MTHFD1L: variants seen among roughly 807,000 people sequenced by gnomAD.
MTHFD1L encodes the protein monofunctional C1-tetrahydrofolate synthase, mitochondrial.
MTHFD1L carries 81 observed loss-of-function variants against 119.5 expected under a neutral mutation model. That is an observed-to-expected ratio of 0.68 (90% confidence interval 0.57 to 0.82). The LOEUF (loss-of-function observed/expected upper bound fraction) is 0.82. Ranked by LOEUF, MTHFD1L falls within the 40% of genes least tolerant of loss-of-function variation. The probability of loss-of-function intolerance (pLI) is 0.00; values close to 1 mark genes in which losing one functional copy is unlikely to be tolerated. For missense variants in MTHFD1L, 1,125 were observed against 1,253.4 expected, an observed-to-expected ratio of 0.90 and a Z score of 1.55; for synonymous variants, 430 against 475.2, an observed-to-expected ratio of 0.90 and a Z score of 1.24.
chr6:151,086,157 G>A (rs1220047979), intron 26 of MTHFD1L, among the ~76,000 whole-genome samples: 1 of 152,132 alleles, frequency 6.6e-6, no homozygotes, highest in Admixed American at 6.5e-5. Context: ...TAGTTACAGC[G>A]GTGCAGGTTC....
intron 24 of MTHFD1L, among the ~76,000 whole-genome samples, chr6:151,030,166 C>T (rs959306607): frequency 2.0e-5 from 3 of 152,202 alleles, no homozygotes; most frequent in East Asian, 1.9e-4. Context: ...TTCACATCCT[C>T]ATCTTAGAAA....
At chr6:151,073,533 A>G (rs1318002753) in intron 26 of MTHFD1L, among the ~76,000 whole-genome samples, 2 of 152,356 alleles carry the variant, frequency 1.3e-5, no homozygotes, top group African/African-American at 4.8e-5. Context: ...CAGATGATAG[A>G]ATTCATAGAC....
chr6:151,079,017 C>T lies in MTHFD1L; in HGVS notation c.2848-13450C>T, dbSNP rs985291917. On this transcript the variant is annotated intron_variant, in intron 26 of 27. Coordinates refer to ENST00000367321, the MANE Select transcript of MTHFD1L (RefSeq NM_015440.5). The stretch of plus-strand genomic sequence containing the variant: ...ATGAAAGACTGAGCCTATACGTGAA[C>T]GTACTGAAAGCTGACTTACAGTTCA... 2.6e-5 allele frequency among the ~76,000 whole-genome samples: 4 copies of T among 152,070 alleles called. 1 individual carries two copies. Among genetic ancestry groups the T allele is most frequent in the Non-Finnish European group, 1.5e-5 (1 of 68,032 alleles).
At chr6:150,959,227 C>T in intron 17 of MTHFD1L, 2 of 980,978 alleles carry the variant, frequency 2.0e-6, no homozygotes, top group Non-Finnish European at 2.4e-6. Flanking sequence ...CTCCTTATTT[C>T]CTTCCTTTCC....
At chr6:150,943,211 G>T (rs1793425803) in intron 13 of MTHFD1L, among the ~76,000 whole-genome samples, 2 of 151,972 alleles carry the variant, frequency 1.3e-5, no homozygotes, top group South Asian at 4.1e-4. Flanking sequence ...GGAGGCGGAG[G>T]TTGCATTGAG....
intron 26 of MTHFD1L, among the ~76,000 whole-genome samples, chr6:151,053,450 G>A (rs2128583395): frequency 6.6e-6 from 1 of 152,264 alleles, no homozygotes. Flanking sequence ...AATACTTATA[G>A]GTCAGGTCTC....
chr6:150,947,562 G>A (rs905300284), intron 15 of MTHFD1L, among the ~76,000 whole-genome samples: 6 of 151,850 alleles, frequency 4.0e-5, no homozygotes, highest in Admixed American at 6.5e-5. Context: ...CAAGACCCCC[G>A]TCTCTACAAA....
chr6:150,903,796 A>G (rs1372576379), intron 7 of MTHFD1L, among the ~76,000 whole-genome samples: 1 of 152,236 alleles, frequency 6.6e-6, no homozygotes, highest in Non-Finnish European at 1.5e-5. Context: ...GTAGATTCAT[A>G]CAGCCAGAAG....
chr6:151,033,591 T>C (rs1562569130), intron 24 of MTHFD1L, among the ~76,000 whole-genome samples: 1 of 152,096 alleles, frequency 6.6e-6, no homozygotes, highest in Admixed American at 6.5e-5. Flanking sequence ...CAATCTAACA[T>C]TATGGAAATC....
At position 151,039,272 on chromosome 6, in the gene MTHFD1L, C is replaced by G. The variant is rs9478921; in HGVS notation, c.2847+2155C>G. On this transcript the variant is annotated intron_variant, in intron 26 of 27. Transcript: ENST00000367321. The surrounding 1 kb of genome is among the most constrained non-coding windows in gnomAD (Gnocchi z 4.4). ...GAGAAGGGCCTGGATGAAATGGGTT[C>G]TGAATGACATTTTCAGGTCTACAGT... 7.5e-3 allele frequency among the ~76,000 whole-genome samples: 1,142 copies of G among 152,220 alleles called. 16 individuals carry two copies. Among genetic ancestry groups the G allele is most frequent in the African/African-American group, 0.026 (1,081 of 41,520 alleles).
chr6:151,064,499 G>C (rs1261872335), intron 26 of MTHFD1L, among the ~76,000 whole-genome samples: 3 of 152,040 alleles, frequency 2.0e-5, no homozygotes, highest in Non-Finnish European at 4.4e-5. Context: ...ATTTTTAGTA[G>C]AGACAGGGTT....
At chr6:151,030,640 C>T (rs1016782620) in intron 24 of MTHFD1L, among the ~76,000 whole-genome samples, 3 of 152,226 alleles carry the variant, frequency 2.0e-5, no homozygotes, top group Non-Finnish European at 2.9e-5. Flanking sequence ...AAGTCTTCTG[C>T]GCTGTTGCCT....
chr6:150,935,629 A>G (rs1791926792), intron 11 of MTHFD1L: 6 of 1,249,172 alleles, frequency 4.8e-6, no homozygotes, highest in Admixed American at 2.3e-5. Flanking sequence ...GACAAATAGA[A>G]GAGTGTCTAC....
chr6:150,988,507 C>G (rs1410735166), intron 20 of MTHFD1L, among the ~76,000 whole-genome samples: 1 of 151,980 alleles, frequency 6.6e-6, no homozygotes, highest in East Asian at 1.9e-4. Flanking sequence ...GGGAAACCAG[C>G]CATTGCTAAA....
At chr6:150,961,089 CTTTTT>C (rs35978918) in intron 18 of MTHFD1L, among the ~76,000 whole-genome samples, 1 of 113,406 alleles carries the variant, frequency 8.8e-6, no homozygotes, top group Non-Finnish European at 1.8e-5. Flanking sequence ...TTCCTGTTAA[CTTTTT>C]TTTTTTTTTT....
chr6:151,014,793 G>GA (rs1782776134), intron 22 of MTHFD1L, 87 bp from the exon 23 acceptor site: 1 of 909,916 alleles, frequency 1.1e-6, no homozygotes, highest in African/African-American at 1.7e-5. Context: ...AGCAAATCCT[G>GA]CCAGAGAGGT....
intron 15 of MTHFD1L, among the ~76,000 whole-genome samples, chr6:150,946,552 C>A (rs1238319588): frequency 6.6e-6 from 1 of 152,184 alleles, no homozygotes; most frequent in Non-Finnish European, 1.5e-5. Context: ...TTTGCTGCCT[C>A]TGGTCTTCTA....
At chr6:151,040,132 A>T (rs1233277222) in intron 26 of MTHFD1L, among the ~76,000 whole-genome samples, 1 of 152,134 alleles carries the variant, frequency 6.6e-6, no homozygotes, top group Non-Finnish European at 1.5e-5. Flanking sequence ...GAAATGGTAG[A>T]GTAGCTGAGA....
chr6:150,965,970 C>T (rs1352419830), intron 19 of MTHFD1L, among the ~76,000 whole-genome samples: 1 of 152,156 alleles, frequency 6.6e-6, no homozygotes, highest in East Asian at 1.9e-4. Flanking sequence ...GCCTGCCCGC[C>T]TGTTAAAGCA....
Sources: allele counts gnomAD v4.1 joint callset (sites outside exome capture counted in the v4.1 genomes callset), GRCh38; gene constraint gnomAD v4.1.1; non-coding constraint Gnocchi (gnomAD v3.1); transcripts MANE v1.5; gene names NCBI Gene and HGNC (gene_info 2026-07-23, HGNC 2026-07-21).